The following PPP2R3B variants were observed in gnomAD, a reference collection of about 807,000 sequenced individuals.
The protein encoded by PPP2R3B is protein phosphatase 2 regulatory subunit B''beta.
In PPP2R3B, 68 loss-of-function variants were observed where a neutral mutation model predicts 72.9. The ratio of observed to expected loss-of-function variants is 0.93; its 90% CI spans 0.77 to 1.14. The LOEUF (loss-of-function observed/expected upper bound fraction) is 1.14, where lower values mean the gene tolerates loss of function less well. Among genes scored for constraint, PPP2R3B ranks in the 50% most tolerant of loss-of-function variants. The probability of loss-of-function intolerance (pLI) is 0.00; values close to 1 mark genes in which losing one functional copy is unlikely to be tolerated. For synonymous variants in PPP2R3B, 466 were observed against 375.8 expected, an observed-to-expected ratio of 1.24 and a Z score of -2.78; for missense variants, 1,018 against 842.0, an observed-to-expected ratio of 1.21 and a Z score of -2.59.
intron 1 of PPP2R3B, among the ~76,000 whole-genome samples, chrX:361,879 C>G (rs1024424186): frequency 1.3e-5 from 2 of 152,186 alleles, no homozygotes; most frequent in Non-Finnish European, 2.9e-5. Flanking sequence ...AGGGCAGCTA[C>G]GTGCCCCAGG....
chrX:381,708 C>T (rs1603143071), intron 1 of PPP2R3B, among the ~76,000 whole-genome samples: 1 of 150,544 alleles, frequency 6.6e-6, no homozygotes, highest in Non-Finnish European at 1.5e-5. Context: ...ATGCCATTCT[C>T]CTGCCTCAGC....
At chrX:346,604 G>A (rs2124633789) in intron 5 of PPP2R3B, 97 bp downstream of exon 5, 1 of 1,220,916 alleles carries the variant, frequency 8.2e-7, no homozygotes, top group Non-Finnish European at 1.1e-6. Flanking sequence ...AGGAACCCCG[G>A]GCCCCGCCCG....
At chrX:358,669 GCCA>G (rs72244490) in intron 2 of PPP2R3B, among the ~76,000 whole-genome samples, 36,716 of 152,030 alleles carry the variant, frequency 0.24, 4,760 homozygotes, top group East Asian at 0.38. Flanking sequence ...ACCTTAGACG[GCCA>G]CCAAGGCCAG....
chrX:361,094 G>A (rs1354429591), intron 2 of PPP2R3B, among the ~76,000 whole-genome samples: 1 of 152,206 alleles, frequency 6.6e-6, no homozygotes, highest in East Asian at 1.9e-4. Context: ...CCGGAGGGGA[G>A]AGAAGGGGAG....
rs748643948 is a variant in PPP2R3B, at chrX:386,588, C to A, written c.104G>T (p.Cys35Phe). The A allele has an allele frequency of 2.8e-6, 4 of 1,445,934 alleles. No individual in the cohort carries two copies. The African/African-American group carries it at 5.9e-5, about 21-fold the overall frequency. The allele number at this position is 1,445,934 out of a possible 1,614,324, so 89.6% of individuals were successfully genotyped here. A position where few individuals can be genotyped will look rare whatever the true frequency, so the allele number is the denominator to read the frequency against. ...CCCGGGCGCCTTGATCCGGCGCAGG[C>A]AGTCCTGCAGCATCCGCTGCGTGCT... The part of the protein sequence containing the change: ...EASTQRMLQD[C>F]LRRIKAPGRD... The change falls in exon 1 of 13, where the codon TGC (cysteine) becomes TTC (phenylalanine). Residue 35 changes from cysteine (C) to phenylalanine (F), a missense_variant. Coordinates refer to ENST00000390665, the MANE Select transcript of PPP2R3B (RefSeq NM_013239.5).
intron 1 of PPP2R3B, among the ~76,000 whole-genome samples, chrX:363,685 G>T (rs2071612372): frequency 6.7e-6 from 1 of 149,970 alleles, no homozygotes; most frequent in African/African-American, 2.5e-5. Context: ...ATCTCCCCAA[G>T]CCCGCGATCC....
chrX:375,841 C>CGCTGGGTGACACACGCCCTGTCCTGCCAT (rs2071981261), intron 1 of PPP2R3B, among the ~76,000 whole-genome samples: 1 of 152,150 alleles, frequency 6.6e-6, no homozygotes, highest in Non-Finnish European at 1.5e-5. Flanking sequence ...TGTCCTGCCA[C>CGCTGGGTGACACACGCCCTGTCCTGCCAT]GGCGGGTGAC....
chrX:341,489 G>GTCC, intron 8 of PPP2R3B, 93 bp from the exon 9 acceptor site: 2 of 1,259,602 alleles, frequency 1.6e-6, no homozygotes, highest in Non-Finnish European at 2.3e-6. Flanking sequence ...GGTGAGGGGA[G>GTCC]CCCCCCGGGC....
intron 12 of PPP2R3B, chrX:337,508 T>C (rs2070922870): frequency 6.6e-6 from 1 of 152,308 alleles, no homozygotes; most frequent in Non-Finnish European, 1.5e-5. Context: ...CGCTCCAGCG[T>C]GCACCACGGG....
In PPP2R3B at chrX:334,176, C is replaced by T. The variant is rs1032606901; in HGVS notation, c.*191G>A. 2 of 587,094 alleles carry T rather than the reference C, an allele frequency of 3.4e-6. No homozygotes were observed. Among genetic ancestry groups the T allele is most frequent in the Non-Finnish European group, 5.3e-6 (2 of 380,796 alleles). 36.4% of individuals were successfully genotyped at this position (587,094 alleles called of 1,614,324 possible). A position where few individuals can be genotyped will look rare whatever the true frequency, so the allele number is the denominator to read the frequency against. ...CCATTCACGCGCGGCCCTACGTGTC[C>T]CCCTGGCACAGAGCTCTGGGCAGGT... On this transcript the variant is annotated 3_prime_UTR_variant, in exon 13 of 13. Transcript: ENST00000390665.
At position 341,063 on chromosome X, in the gene PPP2R3B, GC is replaced by G; in HGVS notation, c.1176-124del. ...CGCTGTGCCTTGCAGCCCCCACCGG[GC>G]GTGCAGGCATCCCCTGCCCCCTGCC... On this transcript the variant is annotated intron_variant, in intron 9 of 12. Transcript: ENST00000390665. 5.8e-6 allele frequency: 8 copies of G among 1,374,158 alleles called. No homozygotes were observed. The South Asian group carries it at 9.3e-5, about 16-fold the overall frequency. The allele number at this position is 1,374,158 out of a possible 1,614,324, so 85.1% of individuals were successfully genotyped here.
At chrX:367,200 C>T (rs982110410) in intron 1 of PPP2R3B, among the ~76,000 whole-genome samples, 7 of 151,854 alleles carry the variant, frequency 4.6e-5, no homozygotes, top group Non-Finnish European at 7.4e-5. Context: ...AGCAGGTCAG[C>T]GGTAATGAGT....
At chrX:370,760 T>G (rs929534372) in intron 1 of PPP2R3B, among the ~76,000 whole-genome samples, 2 of 152,076 alleles carry the variant, frequency 1.3e-5, no homozygotes, top group Non-Finnish European at 2.9e-5. Flanking sequence ...CCACTGGCCT[T>G]GGGAGGGGAA....
intron 7 of PPP2R3B, 91 bp downstream of exon 7, chrX:345,425 C>T: frequency 6.5e-7 from 1 of 1,533,540 alleles, no homozygotes; most frequent in African/African-American, 1.4e-5. Flanking sequence ...GCTGGGAGTG[C>T]GGAAGGAGAG....
intron 1 of PPP2R3B, among the ~76,000 whole-genome samples, chrX:383,516 T>C (rs2072169397): frequency 6.6e-6 from 1 of 152,032 alleles, no homozygotes; most frequent in Non-Finnish European, 1.5e-5. Flanking sequence ...AACTGCATAG[T>C]ATAAAACGAC....
intron 2 of PPP2R3B, among the ~76,000 whole-genome samples, chrX:350,313 C>T (rs1376810171): frequency 6.6e-6 from 1 of 152,208 alleles, no homozygotes; most frequent in East Asian, 1.9e-4. Flanking sequence ...AGGGACGCTG[C>T]ACGGCTCTGC....
At chrX:369,571 G>A (rs747468950) in intron 1 of PPP2R3B, among the ~76,000 whole-genome samples, 31 of 152,346 alleles carry the variant, frequency 2.0e-4, no homozygotes, top group African/African-American at 4.1e-4. Context: ...GTAGAAGTGC[G>A]TGCGCTTGAT....
chrX:346,326 C>T, intron 5 of PPP2R3B, 66 bp from the exon 6 acceptor site: 1 of 1,459,868 alleles, frequency 6.8e-7, no homozygotes, highest in Admixed American at 2.0e-5. Flanking sequence ...CGCACGGAGA[C>T]CGGGAGCCGG....
chrX:381,496 C>T (rs56794673), intron 1 of PPP2R3B, among the ~76,000 whole-genome samples: 32,586 of 151,866 alleles, frequency 0.21, 4,031 homozygotes, highest in Non-Finnish European at 0.28. Context: ...CCCAGCATCG[C>T]CCCTCCCCAG....
Sources: gnomAD v4.1 joint callset for allele counts (sites outside exome capture counted in the v4.1 genomes callset) on GRCh38, gnomAD v4.1.1 for gene constraint, MANE v1.5 for transcripts, NCBI Gene and HGNC (gene_info 2026-07-23, HGNC 2026-07-21) for gene names.